Variants in KLF15 observed in about 807,000 individuals in gnomAD.
The protein encoded by KLF15 is Krueppel-like factor 15.
A neutral mutation model predicts 24.6 loss-of-function variants in KLF15; 4 were observed. The ratio of observed to expected loss-of-function variants is 0.16; its 90% CI spans 0.08 to 0.37. The LOEUF (loss-of-function observed/expected upper bound fraction) is 0.37, where lower values mean the gene tolerates loss of function less well. Among genes scored for constraint, KLF15 ranks in the 10% least tolerant of loss-of-function variants. KLF15 has a pLI of 1.00. For synonymous variants in KLF15, 246 were observed against 236.3 expected (o/e 1.04, Z -0.37); for missense variants, 496 against 560.6 (o/e 0.88, Z 1.16).
At chr3:126,323,487 A>AT in the KLF15 span, among the ~76,000 whole-genome samples, 21 of 57,432 alleles carry the variant, frequency 3.7e-4, no homozygotes, top group African/African-American at 1.1e-3. Flanking sequence ...ATATATATAT[A>AT]ACATATATAT....
the KLF15 span, among the ~76,000 whole-genome samples, chr3:126,295,788 T>G: frequency 6.6e-6 from 1 of 152,222 alleles, no homozygotes; most frequent in Non-Finnish European, 1.5e-5. Context: ...CTGTCCTTCA[T>G]GTCTGATCAG....
chr3:126,303,382 TG>T, the KLF15 span, among the ~76,000 whole-genome samples: 5 of 152,064 alleles, frequency 3.3e-5, no homozygotes, highest in Admixed American at 2.0e-4. Flanking sequence ...ACTTTGCCTT[TG>T]TTTTTTGCTG....
chr3:126,311,775 C>T, the KLF15 span, among the ~76,000 whole-genome samples: 1 of 152,222 alleles, frequency 6.6e-6, no homozygotes, highest in Non-Finnish European at 1.5e-5. Context: ...CCTGAGCCGT[C>T]CTCTGCCCAG....
the KLF15 span, among the ~76,000 whole-genome samples, chr3:126,290,498 TCCTTCCTA>T: frequency 3.5e-5 from 4 of 113,846 alleles, no homozygotes; most frequent in African/African-American, 1.4e-4. Context: ...CTTCCTTTCT[TCCTTCCTA>T]CCTTCCTTCC....
At chr3:126,318,065 A>G in the KLF15 span, among the ~76,000 whole-genome samples, 4 of 152,062 alleles carry the variant, frequency 2.6e-5, no homozygotes, top group Non-Finnish European at 5.9e-5. Flanking sequence ...CCATGGGAAA[A>G]CAGCTCCTCT....
At chr3:126,295,388 C>T in the KLF15 span, among the ~76,000 whole-genome samples, 5 of 152,210 alleles carry the variant, frequency 3.3e-5, no homozygotes, top group African/African-American at 7.2e-5. Flanking sequence ...CTGGGAACTA[C>T]ATCCAGGCCT....
chr3:126,346,883 C>A (rs372016291), intron 2 of KLF15, among the ~76,000 whole-genome samples: 8 of 152,302 alleles, frequency 5.3e-5, no homozygotes, highest in African/African-American at 1.9e-4. Context: ...CACCAAGCTC[C>A]CTGAGCCTCA....
chr3:126,353,534 T>G (rs1417525828), intron 1 of KLF15, among the ~76,000 whole-genome samples: 2 of 152,268 alleles, frequency 1.3e-5, no homozygotes, highest in Non-Finnish European at 2.9e-5. Flanking sequence ...AATATAAGTA[T>G]GTTCCCAATA....
At chr3:126,316,149 G>T in the KLF15 span, among the ~76,000 whole-genome samples, 1 of 151,872 alleles carries the variant, frequency 6.6e-6, no homozygotes, top group Non-Finnish European at 1.5e-5. Context: ...TTTACTATCC[G>T]GCCCTTCACA....
the KLF15 span, among the ~76,000 whole-genome samples, chr3:126,312,679 A>T: frequency 7.1e-4 from 108 of 152,340 alleles, no homozygotes; most frequent in African/African-American, 2.6e-3. Context: ...TTTAAATTAC[A>T]GCATCTGTGA....
At chr3:126,348,806 A>G (rs559385482) in intron 2 of KLF15, among the ~76,000 whole-genome samples, 3 of 152,312 alleles carry the variant, frequency 2.0e-5, no homozygotes, top group South Asian at 2.1e-4. Context: ...GTGTGGGTCT[A>G]TGGGCCAGAA....
chr3:126,335,227 G>A, the KLF15 span, among the ~76,000 whole-genome samples: 3 of 143,876 alleles, frequency 2.1e-5, no homozygotes, highest in East Asian at 6.2e-4. Context: ...TATCCACCAT[G>A]ATCAAGTGGG....
chr3:126,326,788 A>C, the KLF15 span, among the ~76,000 whole-genome samples: 2 of 152,226 alleles, frequency 1.3e-5, no homozygotes, highest in African/African-American at 4.8e-5. Context: ...AGTTTAAATC[A>C]ATTAATTATT....
At chr3:126,301,938 CTT>C in the KLF15 span, among the ~76,000 whole-genome samples, 5,312 of 146,518 alleles carry the variant, frequency 0.036, 258 homozygotes, top group African/African-American at 0.11. Flanking sequence ...ACGTAATTTG[CTT>C]TTTTTTTTCC....
chr3:126,354,377 A>C (rs1333926022), intron 1 of KLF15: 1 of 152,306 alleles, frequency 6.6e-6, no homozygotes, highest in East Asian at 1.9e-4. Context: ...GGACCCCTTC[A>C]GGGCCTGGCA....
chr3:126,343,984 A>G, intron 2 of KLF15, 89 bp from the exon 3 acceptor site: 1 of 1,354,934 alleles, frequency 7.4e-7, no homozygotes, highest in Non-Finnish European at 9.8e-7. Context: ...CAAGGCGTGC[A>G]CCTGGCACTC....
At chr3:126,310,193 C>T in the KLF15 span, among the ~76,000 whole-genome samples, 1 of 152,222 alleles carries the variant, frequency 6.6e-6, no homozygotes, top group African/African-American at 2.4e-5. Context: ...CTTGTAAAGG[C>T]CTCACCTCTT....
chr3:126,294,911 G>A, the KLF15 span, among the ~76,000 whole-genome samples: 8 of 136,552 alleles, frequency 5.9e-5, no homozygotes, highest in South Asian at 2.5e-4. Flanking sequence ...ACACAGATAC[G>A]TACACATACA....
chr3:126,310,135 A>G, the KLF15 span, among the ~76,000 whole-genome samples: 1 of 152,212 alleles, frequency 6.6e-6, no homozygotes, highest in Non-Finnish European at 1.5e-5. Flanking sequence ...AGGCCTGTTT[A>G]TGGGGGCACA....
Sources: gnomAD v4.1 joint callset for allele counts (sites outside exome capture counted in the v4.1 genomes callset) on GRCh38, gnomAD v4.1.1 for gene constraint, MANE v1.5 for transcripts, NCBI Gene and HGNC (gene_info 2026-07-23, HGNC 2026-07-21) for gene names.